The following ACYP2 variants were observed in gnomAD, a reference collection of about 807,000 sequenced individuals.
The protein encoded by ACYP2 is acylphosphatase 2, also known as acylphosphatase-2.
Under a neutral mutation model 11.2 loss-of-function variants are expected in ACYP2, and 12 were observed. The observed-to-expected ratio is 1.08, with a 90% confidence interval of 0.69 to 1.74. ACYP2 has a LOEUF of 1.74. Ranked by LOEUF, ACYP2 falls within the 40% of genes most tolerant of loss-of-function variation. The probability of loss-of-function intolerance (pLI) is 0.00; values close to 1 mark genes in which losing one functional copy is unlikely to be tolerated. For missense variants in ACYP2, 134 were observed against 101.9 expected, an observed-to-expected ratio of 1.31 and a Z score of -1.35; for synonymous variants, 43 against 32.2, an observed-to-expected ratio of 1.33 and a Z score of -1.13.
At chr2:54,153,257 C>A (rs1433472140) in intron 6 of ACYP2, among the ~76,000 whole-genome samples, 5 of 98,532 alleles carry the variant, frequency 5.1e-5, no homozygotes, top group East Asian at 4.0e-4. Flanking sequence ...GTTCTTGGAA[C>A]CTTTGGAAAA....
intron 6 of ACYP2, among the ~76,000 whole-genome samples, chr2:54,252,093 A>G (rs57060498): frequency 0.14 from 20,908 of 152,212 alleles, 1,391 homozygotes; most frequent in East Asian, 0.19. Context: ...TGTCCTTGGT[A>G]GTAAGCACTA....
intron 4 of ACYP2, among the ~76,000 whole-genome samples, chr2:54,121,403 C>T (rs536311171): frequency 5.9e-5 from 9 of 152,174 alleles, no homozygotes; most frequent in Non-Finnish European, 1.2e-4. Context: ...ACTGGCAACT[C>T]GGTTTCAGGT....
Position 54,140,532 on chromosome 2 carries a change from A to T in ACYP2, c.404+1784A>T, listed in dbSNP as rs200667624. 6.3e-4 allele frequency among the ~76,000 whole-genome samples: 84 copies of T among 132,334 alleles called. 1 individual carries two copies. In the East Asian group the frequency reaches 0.026, roughly 40 times the overall value. The allele number at this position is 132,334 out of a possible 152,430, so 86.8% of individuals were successfully genotyped here. On this transcript the variant is annotated intron_variant, in intron 6 of 6. Transcript: ENST00000607452. ...TCCATGTTCACATTCTCTCTCTCACACACACACACACACACACTTGCACAC... is the reference window on the plus strand; with the variant it reads ...TCCATGTTCACATTCTCTCTCTCACTCACACACACACACACACTTGCACAC...
intron 6 of ACYP2, among the ~76,000 whole-genome samples, chr2:54,274,693 A>G (rs970217347): frequency 6.6e-6 from 1 of 151,210 alleles, no homozygotes; most frequent in Non-Finnish European, 1.5e-5. Flanking sequence ...GAAATTAAAC[A>G]TTTTTTATTG....
intron 4 of ACYP2, among the ~76,000 whole-genome samples, chr2:54,112,044 T>A (rs988543154): frequency 4.6e-5 from 7 of 152,218 alleles, no homozygotes; most frequent in Non-Finnish European, 1.5e-5. Context: ...GTATTATCTA[T>A]CATATGTATT....
chr2:54,006,545 C>T (rs1399227659), intron 2 of ACYP2, among the ~76,000 whole-genome samples: 1 of 152,136 alleles, frequency 6.6e-6, no homozygotes, highest in Non-Finnish European at 1.5e-5. Context: ...TGCTTCGGCC[C>T]TCCAAAGTGC....
At chr2:53,981,038 C>T (rs769588788) in intron 2 of ACYP2, among the ~76,000 whole-genome samples, 58 of 152,234 alleles carry the variant, frequency 3.8e-4, no homozygotes, top group Non-Finnish European at 6.0e-4. Context: ...AGGTGTGAGC[C>T]ACCACACCGG....
At chr2:54,096,480 GC>G (rs765989920) in intron 4 of ACYP2, among the ~76,000 whole-genome samples, 71 of 152,112 alleles carry the variant, frequency 4.7e-4, no homozygotes, top group Non-Finnish European at 8.2e-4. Context: ...GCCAAGGCAG[GC>G]GGCTGGGAGG....
At chr2:54,135,831 A>G (rs1681196456) in intron 5 of ACYP2, among the ~76,000 whole-genome samples, 1 of 152,208 alleles carries the variant, frequency 6.6e-6, no homozygotes, top group African/African-American at 2.4e-5. Flanking sequence ...AAAACAAAAC[A>G]CGCTAATGTT....
chr2:54,280,117 C>A (rs1688780133), intron 6 of ACYP2, among the ~76,000 whole-genome samples: 1 of 152,116 alleles, frequency 6.6e-6, no homozygotes, highest in African/African-American at 2.4e-5. Flanking sequence ...CTGTTTTTTT[C>A]ATTGCACCTA....
intron 2 of ACYP2, among the ~76,000 whole-genome samples, chr2:54,000,316 T>A (rs904549044): frequency 6.6e-6 from 1 of 152,096 alleles, no homozygotes; most frequent in Non-Finnish European, 1.5e-5. Context: ...AAATACCAGG[T>A]CAAAGGCTGA....
At chr2:54,254,675 G>A in intron 6 of ACYP2, 1 of 508,086 alleles carries the variant, frequency 2.0e-6, no homozygotes, top group South Asian at 3.1e-5. Context: ...TCGCTTAGAA[G>A]GATGTGACCC....
intron 6 of ACYP2, among the ~76,000 whole-genome samples, chr2:54,184,034 A>ACT (rs1683865827): frequency 6.6e-6 from 1 of 152,190 alleles, no homozygotes; most frequent in African/African-American, 2.4e-5. Flanking sequence ...TTCCAGAAAG[A>ACT]TACTTCCTTA....
chr2:54,089,462 T>C (rs192289599), intron 4 of ACYP2, among the ~76,000 whole-genome samples: 31 of 152,232 alleles, frequency 2.0e-4, no homozygotes, highest in Middle Eastern at 3.4e-3. Context: ...AAATTGTATT[T>C]TATGGCTGGT....
At chr2:54,214,008 C>T (rs918813757) in intron 6 of ACYP2, among the ~76,000 whole-genome samples, 1 of 152,134 alleles carries the variant, frequency 6.6e-6, no homozygotes, top group African/African-American at 2.4e-5. Flanking sequence ...AGTTCTACCA[C>T]CTCAGCCTCC....
At chr2:53,994,406 C>G (rs1672461808) in intron 2 of ACYP2, among the ~76,000 whole-genome samples, 1 of 148,018 alleles carries the variant, frequency 6.8e-6, no homozygotes, top group Non-Finnish European at 1.5e-5. Context: ...GTAGTCCCAG[C>G]TACTCGGGAG....
intron 4 of ACYP2, among the ~76,000 whole-genome samples, chr2:54,112,927 T>C (rs1227985912): frequency 6.6e-6 from 1 of 152,136 alleles, no homozygotes; most frequent in Non-Finnish European, 1.5e-5. Flanking sequence ...AGGGGTACTC[T>C]TGGGTAAATG....
intron 6 of ACYP2, among the ~76,000 whole-genome samples, chr2:54,260,211 GA>G (rs1687718852): frequency 6.6e-6 from 1 of 152,116 alleles, no homozygotes; most frequent in Admixed American, 6.5e-5. Flanking sequence ...TGAGATTTAT[GA>G]AATCGTCTTC....
chr2:54,020,961 C>T (rs1165777761), intron 2 of ACYP2, among the ~76,000 whole-genome samples: 5 of 152,186 alleles, frequency 3.3e-5, no homozygotes, highest in Non-Finnish European at 7.3e-5. Context: ...TTAATTTTCT[C>T]AGCAAGGCAA....
Sources: allele counts gnomAD v4.1 joint callset (sites outside exome capture counted in the v4.1 genomes callset), GRCh38; gene constraint gnomAD v4.1.1; transcripts MANE v1.5; gene names NCBI Gene and HGNC (gene_info 2026-07-23, HGNC 2026-07-21).